GRIK1: variants seen among roughly 807,000 people sequenced by gnomAD.
The protein encoded by GRIK1 is glutamate receptor ionotropic, kainate 1.
GRIK1 carries 69 observed loss-of-function variants against 105.7 expected under a neutral mutation model. That is an observed-to-expected ratio of 0.65 (90% confidence interval 0.54 to 0.80). The LOEUF (loss-of-function observed/expected upper bound fraction) is 0.80. GRIK1 is among the 30% of genes least tolerant of loss of function. The pLI is 0.00. For missense variants in GRIK1, 1,109 were observed against 1,167.3 expected (o/e 0.95, Z 0.73); for synonymous variants, 438 against 431.3 (o/e 1.02, Z -0.19).
chr21:29,706,071 G>A (rs1568996304), intron 1 of GRIK1, among the ~76,000 whole-genome samples: 1 of 151,794 alleles, frequency 6.6e-6, no homozygotes, highest in Non-Finnish European at 1.5e-5. Flanking sequence ...ATGGGGTTTT[G>A]CCATGTTGGC....
At chr21:29,706,621 G>C (rs754194412) in intron 1 of GRIK1, among the ~76,000 whole-genome samples, 30 of 152,294 alleles carry the variant, frequency 2.0e-4, no homozygotes, top group Middle Eastern at 3.4e-3. Context: ...AAGTAGTTAG[G>C]TCCCAGATGA....
chr21:29,822,954 G>T (rs2067345914), intron 1 of GRIK1, among the ~76,000 whole-genome samples: 1 of 151,928 alleles, frequency 6.6e-6, no homozygotes, highest in Non-Finnish European at 1.5e-5. Context: ...AAAATGGCAG[G>T]ATGAGAAGGG....
At chr21:29,737,670 C>G (rs1288139839) in intron 1 of GRIK1, among the ~76,000 whole-genome samples, 2 of 152,238 alleles carry the variant, frequency 1.3e-5, no homozygotes, top group African/African-American at 4.8e-5. Context: ...CTTTGCCGGC[C>G]CATCTGGGGC....
chr21:29,731,367 C>T (rs555489238), intron 1 of GRIK1, among the ~76,000 whole-genome samples: 1 of 152,184 alleles, frequency 6.6e-6, no homozygotes. Context: ...GAGCAGTTTG[C>T]TTTTACTTTG....
chr21:29,696,225 T>A (rs2063699432), intron 1 of GRIK1, among the ~76,000 whole-genome samples: 1 of 152,250 alleles, frequency 6.6e-6, no homozygotes, highest in African/African-American at 2.4e-5. Context: ...ATAGATAATT[T>A]CCCTGGTTTC....
At chr21:29,710,265 T>C (rs2064012108) in intron 1 of GRIK1, among the ~76,000 whole-genome samples, 2 of 152,120 alleles carry the variant, frequency 1.3e-5, no homozygotes. Context: ...TGTTGCTGAA[T>C]GTGATTTGTT....
At chr21:29,844,639 T>C (rs2068068210) in intron 1 of GRIK1, among the ~76,000 whole-genome samples, 2 of 152,230 alleles carry the variant, frequency 1.3e-5, no homozygotes, top group Non-Finnish European at 2.9e-5. Flanking sequence ...AGATTTCAAC[T>C]TTAGACTATA....
At chr21:29,616,915 A>C (rs188576671) in intron 7 of GRIK1, among the ~76,000 whole-genome samples, 36 of 152,346 alleles carry the variant, frequency 2.4e-4, no homozygotes, top group African/African-American at 8.7e-4. Context: ...ATAACATTAC[A>C]GTTCAATGGA....
intron 1 of GRIK1, among the ~76,000 whole-genome samples, chr21:29,938,669 C>T (rs1184377469): frequency 1.3e-5 from 2 of 152,150 alleles, no homozygotes; most frequent in Non-Finnish European, 2.9e-5. Context: ...GGACTGGGAA[C>T]TGGATCTTGC....
chr21:29,795,769 T>A (rs2066538356), intron 1 of GRIK1, among the ~76,000 whole-genome samples: 1 of 152,226 alleles, frequency 6.6e-6, no homozygotes, highest in Admixed American at 6.5e-5. Flanking sequence ...CATTTTCTAA[T>A]AATTTAATGT....
At chr21:29,924,097 T>C (rs2071275340) in intron 1 of GRIK1, among the ~76,000 whole-genome samples, 1 of 152,086 alleles carries the variant, frequency 6.6e-6, no homozygotes, top group Non-Finnish European at 1.5e-5. Flanking sequence ...CCCAGCACTT[T>C]GGGAGGCCGA....
intron 1 of GRIK1, among the ~76,000 whole-genome samples, chr21:29,712,258 C>A (rs1249610585): frequency 6.6e-6 from 1 of 152,050 alleles, no homozygotes; most frequent in South Asian, 2.1e-4. Context: ...CCTAAAAACA[C>A]AAAAGTTTAT....
intron 1 of GRIK1, among the ~76,000 whole-genome samples, chr21:29,918,664 C>G (rs1473632299): frequency 1.3e-5 from 2 of 151,954 alleles, no homozygotes; most frequent in Non-Finnish European, 2.9e-5. Flanking sequence ...GCTCTGGTAA[C>G]TAACAGAAAA....
intron 1 of GRIK1, among the ~76,000 whole-genome samples, chr21:29,695,476 C>CTATCTATCTATA (rs201600727): frequency 2.0e-3 from 286 of 140,014 alleles, no homozygotes; most frequent in Middle Eastern, 3.7e-3. Context: ...ATCTATCTAT[C>CTATCTATCTATA]TATATATATA....
intron 1 of GRIK1, among the ~76,000 whole-genome samples, chr21:29,793,568 T>C (rs926633786): frequency 4.6e-5 from 7 of 151,636 alleles, no homozygotes; most frequent in Admixed American, 4.6e-4. Context: ...CCTCTCTCTG[T>C]TGGTTAAAGA....
chr21:29,749,567 G>A (rs539470172), intron 1 of GRIK1, among the ~76,000 whole-genome samples: 15 of 152,296 alleles, frequency 9.8e-5, no homozygotes, highest in African/African-American at 2.9e-4. Context: ...CAAATCCCAA[G>A]CTGCCTCCTC....
At chr21:29,859,349 C>T (rs2068566256) in intron 1 of GRIK1, among the ~76,000 whole-genome samples, 1 of 149,834 alleles carries the variant, frequency 6.7e-6, no homozygotes, top group African/African-American at 2.5e-5. Context: ...TACCCTAGAA[C>T]TTAAAGTATA....
intron 1 of GRIK1, among the ~76,000 whole-genome samples, chr21:29,774,728 G>A (rs1569077831): frequency 6.6e-6 from 1 of 152,094 alleles, no homozygotes; most frequent in Non-Finnish European, 1.5e-5. Context: ...GGGATTACAG[G>A]CGTGAGCCAC....
chr21:29,740,613 G>A (rs2064903567), intron 1 of GRIK1, among the ~76,000 whole-genome samples: 1 of 152,162 alleles, frequency 6.6e-6, no homozygotes, highest in Admixed American at 6.5e-5. Flanking sequence ...TTCTGCCAGA[G>A]CAATGTCTTT....
Sources: gnomAD v4.1 joint callset for allele counts (sites outside exome capture counted in the v4.1 genomes callset) on GRCh38, gnomAD v4.1.1 for gene constraint, MANE v1.5 for transcripts, NCBI Gene and HGNC (gene_info 2026-07-23, HGNC 2026-07-21) for gene names.